NLRP1: variants seen among roughly 807,000 people sequenced by gnomAD.
NLRP1 encodes the protein NLR family pyrin domain containing 1.
In NLRP1, 94 loss-of-function variants were observed where a neutral mutation model predicts 136.7. The observed-to-expected ratio is 0.69, with a 90% CI of 0.58 to 0.82. The LOEUF is 0.82. Among genes scored for constraint, NLRP1 ranks in the 40% least tolerant of loss-of-function variants. NLRP1 has a pLI of 0.00. For missense variants in NLRP1, 1,575 were observed against 1,802.7 expected, an observed-to-expected ratio of 0.87 and a Z score of 2.29; for synonymous variants, 690 against 725.1, an observed-to-expected ratio of 0.95 and a Z score of 0.78.
rs200332602 is a variant in NLRP1 at position 5,533,010 on chromosome 17, T to C, written c.3134-26A>G. The stretch of plus-strand genomic sequence containing the variant: ...CTGAAACAGCAAGGCAGCGGTCAGC[T>C]CCAGATTCTCCCGCCTGGCCTCCCC... On this transcript the variant is annotated intron_variant, in intron 10 of 16. Transcript: ENST00000572272. The C allele has an allele frequency of 5.6e-6, 9 of 1,594,764 alleles. No individual in the cohort carries two copies. The South Asian group carries it at 1.0e-4, about 18-fold the overall frequency.
intron 12 of NLRP1, chr17:5,529,844 T>A (rs929805158): frequency 2.1e-5 from 8 of 374,070 alleles, no homozygotes; most frequent in African/African-American, 1.7e-4. Flanking sequence ...AGGGACTGAT[T>A]CTGGTATCTG....
chr17:5,525,988 T>G (rs1909495424), intron 12 of NLRP1, among the ~76,000 whole-genome samples: 1 of 151,574 alleles, frequency 6.6e-6, no homozygotes, highest in Non-Finnish European at 1.5e-5. Context: ...AATTTTTTTT[T>G]TTTTTGAGAC....
At chr17:5,506,130 C>T (rs1245165883) in intron 15 of NLRP1, among the ~76,000 whole-genome samples, 1 of 151,750 alleles carries the variant, frequency 6.6e-6, no homozygotes, top group South Asian at 2.1e-4. Context: ...ATTCAAAATA[C>T]AAAATTAGCT....
At chr17:5,524,527 C>T (rs763722039) in intron 12 of NLRP1, among the ~76,000 whole-genome samples, 6 of 152,202 alleles carry the variant, frequency 3.9e-5, no homozygotes, top group Admixed American at 1.3e-4. Context: ...ATGAGGAAAG[C>T]GTGTGAGATG....
Position 5,521,058 on chromosome 17 carries a change from G to A in NLRP1, c.3784-46C>T, listed in dbSNP as rs780376429. On this transcript the variant is annotated intron_variant, in intron 13 of 16. Coordinates refer to ENST00000572272, the MANE Select transcript of NLRP1 (RefSeq NM_033004.4). ...TGATTAAGGGAGGCTTCTGCCCCGT[G>A]GAATGTGGTTTGAATAGGGGGGATG... 8 of 1,539,072 alleles carry A rather than the reference G, an allele frequency of 5.2e-6. No individual in the cohort carries two copies. In the East Asian group the frequency reaches 6.8e-5, roughly 13 times the overall value.
intron 3 of NLRP1, among the ~76,000 whole-genome samples, chr17:5,576,303 C>T (rs951273505): frequency 3.9e-5 from 6 of 152,004 alleles, no homozygotes; most frequent in South Asian, 2.1e-4. Context: ...GACAGAGACA[C>T]AAAAAACCTT....
chr17:5,553,855 CTTT>C (rs71856538), intron 4 of NLRP1, among the ~76,000 whole-genome samples: 6,967 of 144,464 alleles, frequency 0.048, 356 homozygotes, highest in African/African-American at 0.13. Context: ...AGACATTTGT[CTTT>C]TTTTTTTTTT....
chr17:5,550,613 A>G (rs1261249312), intron 5 of NLRP1, among the ~76,000 whole-genome samples: 3 of 152,022 alleles, frequency 2.0e-5, no homozygotes, highest in Admixed American at 2.0e-4. Flanking sequence ...AAGGTGTCAA[A>G]TTTTGTTGGT....
intron 5 of NLRP1, among the ~76,000 whole-genome samples, chr17:5,543,381 C>T (rs189481268): frequency 2.6e-4 from 40 of 152,154 alleles, no homozygotes; most frequent in Admixed American, 2.4e-3. Context: ...AATCACAGCA[C>T]GCGGTTAGTA....
intron 5 of NLRP1, among the ~76,000 whole-genome samples, chr17:5,549,213 G>A (rs1299550264): frequency 4.0e-5 from 6 of 150,094 alleles, no homozygotes; most frequent in Admixed American, 4.0e-4. Context: ...CATTGCTAGT[G>A]TATAGCAGCA....
At position 5,520,979 on chromosome 17, in the gene NLRP1, C is replaced by T. The variant is rs770642427; in HGVS notation, c.3817G>A (p.Val1273Met). Residue 1273 changes from valine to methionine, a missense_variant, in exon 14 of 17, where the codon GTG (valine) becomes ATG (methionine). By Grantham distance (21) the Val-to-Met change is conservative (BLOSUM62 1). Coordinates refer to ENST00000572272, the MANE Select transcript of NLRP1 (RefSeq NM_033004.4). ...AGCGGGGGTGGCTTGTGGATTCGCACAAACTGGAATTTCATTTCTAGATCA... is the reference window on the plus strand; with the variant it reads ...AGCGGGGGTGGCTTGTGGATTCGCATAAACTGGAATTTCATTTCTAGATCA... Reference protein sequence around the residue: ...IDDLEMKFQFVRIHKPPPLTP... With the variant: ...IDDLEMKFQFMRIHKPPPLTP... The T allele has an allele frequency of 6.2e-7, 1 of 1,611,820 alleles. No homozygotes were observed. Among genetic ancestry groups the T allele is most frequent in the South Asian group, 1.1e-5 (1 of 90,576 alleles).
intron 12 of NLRP1, among the ~76,000 whole-genome samples, chr17:5,527,053 T>A (rs1020490921): frequency 3.9e-5 from 6 of 152,212 alleles, no homozygotes; most frequent in African/African-American, 1.4e-4. Flanking sequence ...AGCAAGCATT[T>A]CTGGAAGGGG....
chr17:5,568,714 G>A (rs1915576288), intron 3 of NLRP1, among the ~76,000 whole-genome samples: 1 of 152,136 alleles, frequency 6.6e-6, no homozygotes, highest in Non-Finnish European at 1.5e-5. Context: ...TTCCAGATTT[G>A]AAAGGACTTG....
intron 4 of NLRP1, among the ~76,000 whole-genome samples, chr17:5,555,029 A>T (rs1377296311): frequency 1.3e-5 from 2 of 151,460 alleles, no homozygotes; most frequent in African/African-American, 4.9e-5. Context: ...ACACACACAC[A>T]CACACACACA....
chr17:5,560,121 G>C, intron 3 of NLRP1, 78 bp from the exon 4 acceptor site: 2 of 1,322,170 alleles, frequency 1.5e-6, no homozygotes, highest in Non-Finnish European at 2.0e-6. Context: ...ACTGTTTTAG[G>C]CACCTACTCC....
chr17:5,538,041 C>T lies in NLRP1; in HGVS notation c.2871-1101G>A, dbSNP rs542856726. Among the ~76,000 whole-genome samples, 40 of 152,336 alleles carry T rather than the reference C, an allele frequency of 2.6e-4. 1 individual carries two copies. In the South Asian group the frequency reaches 8.1e-3, roughly 31 times the overall value. ...ATTTATTTCTGTTATTCTGCCTTGA[C>T]CACTTCTTTAGGTTTGGGAGGCCTG... On this transcript the variant is annotated intron_variant, in intron 7 of 16. Transcript: ENST00000572272.
chr17:5,558,123 A>T (rs1164287740), intron 4 of NLRP1, among the ~76,000 whole-genome samples: 1 of 152,120 alleles, frequency 6.6e-6, no homozygotes, highest in Non-Finnish European at 1.5e-5. Flanking sequence ...GCCTCTCCAG[A>T]AGCAAGCAGG....
At chr17:5,517,412 C>T (rs1416179418) in intron 15 of NLRP1, among the ~76,000 whole-genome samples, 1 of 114,400 alleles carries the variant, frequency 8.7e-6, no homozygotes, top group East Asian at 3.2e-4. Flanking sequence ...TTTTGGATTG[C>T]AGTCTTGCTC....
chr17:5,528,653 CTAAA>C (rs1156995935), intron 12 of NLRP1, among the ~76,000 whole-genome samples: 8 of 152,120 alleles, frequency 5.3e-5, no homozygotes, highest in Middle Eastern at 3.2e-3. Flanking sequence ...CTACTAGCTT[CTAAA>C]TAATTTTTCT....
Sources: gnomAD v4.1 joint callset for allele counts (sites outside exome capture counted in the v4.1 genomes callset) on GRCh38, gnomAD v4.1.1 for gene constraint, MANE v1.5 for transcripts, NCBI Gene and HGNC (gene_info 2026-07-23, HGNC 2026-07-21) for gene names.